Variants in TMIGD2 observed in about 807,000 individuals in gnomAD.
TMIGD2 encodes the protein transmembrane and immunoglobulin domain containing 2, also known as transmembrane and immunoglobulin domain-containing protein 2.
A neutral mutation model predicts 22.6 loss-of-function variants in TMIGD2; 18 were observed. The ratio of observed to expected loss-of-function variants is 0.80; its 90% confidence interval spans 0.55 to 1.18. TMIGD2 has a LOEUF of 1.18. Ranked by LOEUF, TMIGD2 falls within the 50% of genes most tolerant of loss-of-function variation. The probability of loss-of-function intolerance (pLI) is 0.00; values close to 1 mark genes in which losing one functional copy is unlikely to be tolerated. For synonymous variants in TMIGD2, 184 were observed against 154.1 expected (o/e 1.19, Z -1.44); for missense variants, 361 against 378.2 (o/e 0.95, Z 0.38).
At chr19:4,298,389 A>G (rs767666112) in intron 1 of TMIGD2, 44 bp from the exon 2 acceptor site, 9 of 1,509,596 alleles carry the variant, frequency 6.0e-6, no homozygotes, top group African/African-American at 1.4e-5. Context: ...GACTGTGCGC[A>G]TGTGAGGCTG....
exon 5 of TMIGD2, chr19:4,292,405 A>C: frequency 1.5e-6 from 1 of 647,034 alleles, no homozygotes. Flanking sequence ...GCAGTGGCGC[A>C]ATCTCGGCTC....
chr19:4,294,625 C>T lies in TMIGD2; in HGVS notation c.504G>A (p.Trp168Ter), dbSNP rs765518854. Residue 168 changes from tryptophan (W) to a stop codon, truncating the protein, a stop_gained, in exon 4 of 5, where the codon TGG becomes TGA. Transcript: ENST00000301272. LOFTEE classifies it high-confidence loss of function. The stretch of plus-strand genomic sequence containing the variant: ...TGCGGCGGCCCCAGAACCAGGCACC[C>T]CACACGATCGCAGCCACACCCATGC... 4.3e-6 allele frequency: 7 copies of T among 1,609,414 alleles called. No homozygotes were observed. Among genetic ancestry groups the T allele is most frequent in the Non-Finnish European group, 5.9e-6 (7 of 1,177,790 alleles).
exon 5 of TMIGD2, chr19:4,292,380 C>T (rs923466781): frequency 4.4e-5 from 25 of 562,214 alleles, no homozygotes; most frequent in African/African-American, 1.9e-4. Flanking sequence ...CTCACTCTGT[C>T]GCCCAGGCTG....
At chr19:4,301,339 A>G (rs913485986) in intron 1 of TMIGD2, among the ~76,000 whole-genome samples, 24 of 152,296 alleles carry the variant, frequency 1.6e-4, no homozygotes, top group Admixed American at 1.4e-3. Flanking sequence ...CAGGAGTTCA[A>G]GACCAGCCTG....
At chr19:4,297,474 A>G (rs1971476492) in intron 2 of TMIGD2, among the ~76,000 whole-genome samples, 1 of 152,128 alleles carries the variant, frequency 6.6e-6, no homozygotes, top group Non-Finnish European at 1.5e-5. Context: ...GGCTCAGGTG[A>G]TCCTCTTGCC....
intron 4 of TMIGD2, among the ~76,000 whole-genome samples, chr19:4,293,563 T>G (rs1971416625): frequency 6.8e-6 from 1 of 147,254 alleles, no homozygotes; most frequent in African/African-American, 2.5e-5. Context: ...CCCGGCCAAT[T>G]TTTTTTTTTT....
At chr19:4,292,940 A>T in intron 4 of TMIGD2, 55 bp from the exon 5 acceptor site, 1 of 1,592,226 alleles carries the variant, frequency 6.3e-7, no homozygotes, top group East Asian at 2.2e-5. Context: ...TGCCCTCTCC[A>T]GCTGACCTCT....
At position 4,295,260 on chromosome 19, in the gene TMIGD2, C is replaced by A. The variant is rs1490211292; in HGVS notation, c.407-444G>T. Among the ~76,000 whole-genome samples the A allele has an allele frequency of 1.2e-3, 94 of 79,194 alleles. 1 individual carries two copies. Among genetic ancestry groups the A allele is most frequent in the South Asian group, 1.8e-3 (4 of 2,220 alleles). The allele number at this position is 79,194 out of a possible 152,430, so 52.0% of individuals were successfully genotyped here. A position where few individuals can be genotyped will look rare whatever the true frequency, so the allele number is the denominator to read the frequency against. ...TGGGTGACAGAGCAAGACTCTGCCT[C>A]AAAAAAAAAAAAAAAGAAGGCCAGG... On this transcript the variant is annotated intron_variant, in intron 2 of 4. Coordinates refer to ENST00000301272, the Ensembl canonical transcript of TMIGD2.
intron 2 of TMIGD2, among the ~76,000 whole-genome samples, chr19:4,295,790 C>T (rs1971455007): frequency 6.6e-6 from 1 of 152,086 alleles, no homozygotes; most frequent in Non-Finnish European, 1.5e-5. Context: ...GCCTAGGGTC[C>T]CCTACCCAGG....
At chr19:4,292,516 C>T (rs765950132) in exon 5 of TMIGD2, 16 of 1,361,260 alleles carry the variant, frequency 1.2e-5, no homozygotes, top group African/African-American at 4.3e-5. Flanking sequence ...GGATTACAGG[C>T]GTGAGCCACC....
intron 1 of TMIGD2, among the ~76,000 whole-genome samples, chr19:4,298,611 A>G (rs1971495693): frequency 6.6e-6 from 1 of 152,046 alleles, no homozygotes; most frequent in Non-Finnish European, 1.5e-5. Flanking sequence ...GGTGGCGTGC[A>G]CCGTGGGCCC....
chr19:4,294,574 G>A lies in TMIGD2; in HGVS notation c.555C>T (p.Asn185=). Reference sequence around the variant, plus strand: ...CGCCCTACCCTCCCTTACCTGGGCTGTTACCTGAGTCCCTTTGCTGGCAGC... The same window carrying A: ...CGCCCTACCCTCCCTTACCTGGGCTATTACCTGAGTCCCTTTGCTGGCAGC... Residue 185 remains asparagine, a synonymous_variant, in exon 4 of 5, where the codon AAC becomes AAT. Transcript: ENST00000301272. 2 of 1,612,496 alleles carry A rather than the reference G, an allele frequency of 1.2e-6. No individual in the cohort carries two copies. Among genetic ancestry groups the A allele is most frequent in the Non-Finnish European group, 1.7e-6 (2 of 1,179,394 alleles).
intron 3 of TMIGD2, 26 bp downstream of exon 3, chr19:4,294,749 G>C (rs1003342831): frequency 4.4e-6 from 7 of 1,581,420 alleles, no homozygotes; most frequent in African/African-American, 4.1e-5. Context: ...GAAGACGCTG[G>C]GGGAGGAACA....
chr19:4,298,544 C>T (rs1291186748), intron 1 of TMIGD2, among the ~76,000 whole-genome samples, 199 bp from the exon 2 acceptor site: 1 of 152,068 alleles, frequency 6.6e-6, no homozygotes, highest in South Asian at 2.1e-4. Context: ...CCAGACCAGC[C>T]TGGGAACATA....
rs1971431693 is a variant in TMIGD2 at position 4,294,502 on chromosome 19, A to G, written c.562+65T>C. 34 of 1,400,696 alleles carry G rather than the reference A, an allele frequency of 2.4e-5. No homozygotes were observed. In the South Asian group the frequency reaches 3.4e-4, roughly 14 times the overall value. 86.8% of individuals were successfully genotyped at this position (1,400,696 alleles called of 1,614,324 possible). On this transcript the variant is annotated intron_variant, in intron 4 of 4. Transcript: ENST00000301272. Reference sequence around the variant, plus strand: ...CTCCATCCTTCCCCCAGGCGGGAGCACAGATGCAGTGGGTCTTTGTCAAGC... The same window carrying G: ...CTCCATCCTTCCCCCAGGCGGGAGCGCAGATGCAGTGGGTCTTTGTCAAGC...
At chr19:4,292,998 C>G in intron 4 of TMIGD2, 113 bp from the exon 5 acceptor site, 1 of 1,481,306 alleles carries the variant, frequency 6.8e-7, no homozygotes, top group Non-Finnish European at 9.1e-7. Context: ...GAGTCTCACT[C>G]TGTCGCCCAG....
chr19:4,297,351 G>A (rs563926248), intron 2 of TMIGD2, among the ~76,000 whole-genome samples: 64 of 151,538 alleles, frequency 4.2e-4, no homozygotes, highest in Non-Finnish European at 7.5e-4. Context: ...TTACAGGGAT[G>A]AGCTACCGCG....
At chr19:4,300,088 C>G (rs1568375120) in intron 1 of TMIGD2, among the ~76,000 whole-genome samples, 1 of 151,232 alleles carries the variant, frequency 6.6e-6, no homozygotes, top group Non-Finnish European at 1.5e-5. Context: ...TGGTGAAACC[C>G]TGTCTCTACT....
rs933378095 is a variant in TMIGD2 at position 4,302,337 on chromosome 19, C to T, written c.46+3G>A. 14 of 1,572,038 alleles carry T rather than the reference C, an allele frequency of 8.9e-6. No homozygotes were observed. Among genetic ancestry groups the T allele is most frequent in the South Asian group, 1.2e-5 (1 of 85,634 alleles). Reference sequence around the variant, plus strand: ...CAGAGGGGAGGGAGGCCCAGATACTCACCCCAGATCTGCACCAGGAGGCCC... The same window carrying T: ...CAGAGGGGAGGGAGGCCCAGATACTTACCCCAGATCTGCACCAGGAGGCCC... On this transcript the variant is annotated splice_donor_region_variant and intron_variant, in intron 1 of 4. Transcript: ENST00000301272.
Sources: allele counts gnomAD v4.1 joint callset (sites outside exome capture counted in the v4.1 genomes callset), GRCh38; gene constraint gnomAD v4.1.1; transcripts MANE v1.5; gene names NCBI Gene and HGNC (gene_info 2026-07-23, HGNC 2026-07-21).